POLN: variants seen among roughly 807,000 people sequenced by gnomAD.
POLN encodes the protein DNA polymerase nu.
In POLN, 108 loss-of-function variants were observed where a neutral mutation model predicts 113.5. The observed-to-expected ratio is 0.95, with a 90% CI of 0.81 to 1.12. The LOEUF (loss-of-function observed/expected upper bound fraction) is 1.12, where lower values mean the gene tolerates loss of function less well. Among genes scored for constraint, POLN ranks in the 50% most tolerant of loss-of-function variants. The pLI is 0.00. For synonymous variants in POLN, 386 were observed against 391.5 expected (o/e 0.99, Z 0.17); for missense variants, 1,097 against 1,077.1 (o/e 1.02, Z -0.26).
At chr4:2,181,500 A>T (rs1164955270) in intron 7 of POLN, among the ~76,000 whole-genome samples, 1 of 87,766 alleles carries the variant, frequency 1.1e-5, no homozygotes, top group Non-Finnish European at 1.9e-5. Flanking sequence ...ACAGAACTTA[A>T]AAATAAAATA....
intron 2 of POLN, chr4:2,241,032 A>G: frequency 1.0e-6 from 1 of 952,488 alleles, no homozygotes; most frequent in Non-Finnish European, 1.6e-6. Flanking sequence ...AAAAAAAGCT[A>G]CGTTTTATAC....
At chr4:2,224,778 C>T (rs973840280) in intron 3 of POLN, among the ~76,000 whole-genome samples, 3 of 152,170 alleles carry the variant, frequency 2.0e-5, no homozygotes, top group South Asian at 4.2e-4. Flanking sequence ...TGGTGAAACC[C>T]TGCCTCCACT....
chr4:2,238,629 C>A, intron 2 of POLN: 1 of 1,604,468 alleles, frequency 6.2e-7, no homozygotes, highest in East Asian at 2.2e-5. Flanking sequence ...TCCTTAGTAT[C>A]AATGGTATTC....
At chr4:2,240,712 C>T (rs112348987) in intron 2 of POLN, 2 of 1,614,016 alleles carry the variant, frequency 1.2e-6, no homozygotes, top group Middle Eastern at 1.6e-4. Context: ...TTAAGAGCTT[C>T]ATCCAATGCC....
At chr4:2,099,194 A>C (rs757430518) in intron 19 of POLN, among the ~76,000 whole-genome samples, 19 of 152,266 alleles carry the variant, frequency 1.2e-4, no homozygotes, top group Non-Finnish European at 2.6e-4. Flanking sequence ...AAGAAGACAA[A>C]GGGTAACCCC....
intron 19 of POLN, among the ~76,000 whole-genome samples, chr4:2,096,894 G>C (rs922987823): frequency 2.0e-5 from 3 of 152,262 alleles, no homozygotes; most frequent in Non-Finnish European, 4.4e-5. Flanking sequence ...CCAGGTGAAA[G>C]CTCAGGTCTT....
At chr4:2,164,998 T>C (rs767295228) in intron 13 of POLN, among the ~76,000 whole-genome samples, 3 of 152,064 alleles carry the variant, frequency 2.0e-5, no homozygotes, top group Non-Finnish European at 4.4e-5. Context: ...ATGGTGCAGC[T>C]ACCCAGGAAG....
At chr4:2,146,232 G>A (rs564305249) in intron 16 of POLN, among the ~76,000 whole-genome samples, 14 of 152,292 alleles carry the variant, frequency 9.2e-5, no homozygotes, top group African/African-American at 2.4e-4. Flanking sequence ...TAGGCCAGGC[G>A]TGGTGGCTCA....
intron 9 of POLN, 131 bp downstream of exon 9, chr4:2,176,135 A>C (rs1223522663): frequency 8.0e-6 from 6 of 752,458 alleles, no homozygotes; most frequent in Middle Eastern, 2.3e-4. Context: ...TGAGTAATGC[A>C]CAGGTTAATT....
intron 2 of POLN, chr4:2,236,321 T>G: frequency 6.2e-7 from 1 of 1,613,722 alleles, no homozygotes; most frequent in Non-Finnish European, 8.5e-7. Flanking sequence ...AGAAAGAATG[T>G]TCTTGAGCAG....
At chr4:2,110,735 G>T (rs1197405474) in intron 19 of POLN, among the ~76,000 whole-genome samples, 1 of 152,202 alleles carries the variant, frequency 6.6e-6, no homozygotes, top group Non-Finnish European at 1.5e-5. Flanking sequence ...CTCTGAAAAT[G>T]AGGCAATAAT....
chr4:2,211,796 G>C (rs1190094203), intron 4 of POLN, among the ~76,000 whole-genome samples: 2 of 152,276 alleles, frequency 1.3e-5, no homozygotes, highest in South Asian at 4.1e-4. Flanking sequence ...CTGGGTGACA[G>C]AGTGAAGGCC....
chr4:2,207,444 A>G (rs1733876243), intron 5 of POLN, among the ~76,000 whole-genome samples: 1 of 151,450 alleles, frequency 6.6e-6, no homozygotes, highest in East Asian at 1.9e-4. Flanking sequence ...AGACACCCTC[A>G]ATAATTTTTT....
intron 20 of POLN, chr4:2,089,174 C>A: frequency 6.8e-7 from 1 of 1,467,478 alleles, no homozygotes; most frequent in Non-Finnish European, 9.3e-7. Context: ...GACCTCACTT[C>A]AGATAAACTG....
intron 3 of POLN, among the ~76,000 whole-genome samples, chr4:2,220,911 C>T (rs1180720971): frequency 6.6e-6 from 1 of 152,098 alleles, no homozygotes; most frequent in African/African-American, 2.4e-5. Flanking sequence ...TATAACTATA[C>T]AAAAAGATCT....
intron 13 of POLN, 59 bp from the exon 14 acceptor site, chr4:2,159,270 T>A: frequency 7.4e-7 from 1 of 1,351,184 alleles, no homozygotes; most frequent in Admixed American, 1.9e-5. Flanking sequence ...TTTAAACACG[T>A]ATTTTCATCT....
At chr4:2,121,452 A>ATATATATAT (rs60338777) in intron 19 of POLN, among the ~76,000 whole-genome samples, 4 of 125,662 alleles carry the variant, frequency 3.2e-5, no homozygotes, top group Non-Finnish European at 4.9e-5. Flanking sequence ...AAAAAAAAAA[A>ATATATATAT]ATATATATAT....
At chr4:2,083,205 C>T (rs941544324) in intron 21 of POLN, among the ~76,000 whole-genome samples, 1 of 152,098 alleles carries the variant, frequency 6.6e-6, no homozygotes, top group Non-Finnish European at 1.5e-5. Flanking sequence ...TTACAAGGCT[C>T]TCTCTCTCTA....
chr4:2,128,685 G>T (rs1449000161), intron 18 of POLN, among the ~76,000 whole-genome samples: 1 of 152,196 alleles, frequency 6.6e-6, no homozygotes, highest in Non-Finnish European at 1.5e-5. Flanking sequence ...AGGGCCAAAG[G>T]TATCTGGGAT....
Sources: gnomAD v4.1 joint callset for allele counts (sites outside exome capture counted in the v4.1 genomes callset) on GRCh38, gnomAD v4.1.1 for gene constraint, MANE v1.5 for transcripts, NCBI Gene and HGNC (gene_info 2026-07-23, HGNC 2026-07-21) for gene names.